TEAD1: variants seen among roughly 807,000 people sequenced by gnomAD.
The protein encoded by TEAD1 is transcriptional enhancer factor TEF-1.
TEAD1 carries 9 observed loss-of-function variants against 54.9 expected under a neutral mutation model. That is an observed-to-expected ratio of 0.16 (90% CI 0.10 to 0.29). The LOEUF (loss-of-function observed/expected upper bound fraction) is 0.29. Ranked by LOEUF, TEAD1 falls within the 10% of genes least tolerant of loss-of-function variation. TEAD1 has a pLI of 1.00. For missense variants in TEAD1, 387 were observed against 535.9 expected (o/e 0.72, Z 2.74); for synonymous variants, 200 against 187.8 (o/e 1.07, Z -0.53).
chr11:12,788,925 T>C (rs924076116), intron 3 of TEAD1, among the ~76,000 whole-genome samples: 61 of 152,322 alleles, frequency 4.0e-4, no homozygotes, highest in African/African-American at 1.5e-3. Context: ...TTTTAAGAGA[T>C]GGGGTTTAGA....
chr11:12,760,687 G>A (rs752753687), intron 2 of TEAD1, among the ~76,000 whole-genome samples: 33 of 152,246 alleles, frequency 2.2e-4, no homozygotes, highest in Non-Finnish European at 3.2e-4. Context: ...GGTAATTTGC[G>A]TGACAGTTGG....
intron 2 of TEAD1, among the ~76,000 whole-genome samples, chr11:12,762,689 C>A (rs1945125588): frequency 6.6e-6 from 1 of 152,014 alleles, no homozygotes; most frequent in Non-Finnish European, 1.5e-5. Context: ...GCCAAAAGTG[C>A]CCACTAGTTA....
At chr11:12,875,227 C>A (rs896240938) in intron 5 of TEAD1, among the ~76,000 whole-genome samples, 1 of 152,174 alleles carries the variant, frequency 6.6e-6, no homozygotes, top group Non-Finnish European at 1.5e-5. Context: ...GATAGATTAG[C>A]CTCCTCCCCT....
intron 3 of TEAD1, among the ~76,000 whole-genome samples, chr11:12,826,877 T>C (rs886309274): frequency 1.3e-5 from 2 of 152,138 alleles, no homozygotes; most frequent in South Asian, 2.1e-4. Flanking sequence ...TAGAGTCTTA[T>C]CTTAAAAAAG....
chr11:12,831,467 C>G (rs1946779836), intron 3 of TEAD1, among the ~76,000 whole-genome samples: 1 of 152,144 alleles, frequency 6.6e-6, no homozygotes, highest in African/African-American at 2.4e-5. Context: ...AAATCTTGCT[C>G]TTGTATAGTC....
At chr11:12,828,747 C>G (rs1946709229) in intron 3 of TEAD1, among the ~76,000 whole-genome samples, 1 of 144,842 alleles carries the variant, frequency 6.9e-6, no homozygotes, top group Non-Finnish European at 1.5e-5. Context: ...ACTCACTTTT[C>G]CTTAACTGGC....
At chr11:12,857,621 T>A (rs1947417796) in intron 3 of TEAD1, among the ~76,000 whole-genome samples, 1 of 147,408 alleles carries the variant, frequency 6.8e-6, no homozygotes, top group African/African-American at 2.5e-5. Context: ...TGTTAGAAGA[T>A]CATGGCTGCA....
chr11:12,882,063 C>T (rs760026415), intron 8 of TEAD1, 106 bp downstream of exon 8: 206 of 1,230,962 alleles, frequency 1.7e-4, no homozygotes, highest in Non-Finnish European at 2.3e-4. Flanking sequence ...TTGCCACAGC[C>T]GCACATTGCC....
intron 2 of TEAD1, among the ~76,000 whole-genome samples, chr11:12,699,233 T>C (rs1564910896): frequency 6.6e-6 from 1 of 152,208 alleles, no homozygotes; most frequent in Non-Finnish European, 1.5e-5. Flanking sequence ...TGTTTTATTA[T>C]CCACATGTTG....
chr11:12,814,777 CTGTGTGTGTGTGTGTGTGTGTG>C (rs397842274), intron 3 of TEAD1, among the ~76,000 whole-genome samples: 4,273 of 106,180 alleles, frequency 0.04, 215 homozygotes, highest in African/African-American at 0.1. Context: ...TCGCAGAGCT[CTGTGTGTGTGTGTGTGTGTGTG>C]TGTGTGTGTG....
At chr11:12,773,794 A>G (rs1001794105) in intron 3 of TEAD1, among the ~76,000 whole-genome samples, 7 of 152,154 alleles carry the variant, frequency 4.6e-5, no homozygotes, top group Admixed American at 3.3e-4. Flanking sequence ...TTTAATTTTG[A>G]TGAGGTCTTA....
intron 3 of TEAD1, among the ~76,000 whole-genome samples, chr11:12,836,171 A>C (rs1564957668): frequency 6.6e-6 from 1 of 152,210 alleles, no homozygotes; most frequent in South Asian, 2.1e-4. Context: ...CTGTAATCCC[A>C]GCGCTTCAGG....
At chr11:12,821,865 A>T (rs892600445) in intron 3 of TEAD1, among the ~76,000 whole-genome samples, 3 of 140,468 alleles carry the variant, frequency 2.1e-5, no homozygotes, top group African/African-American at 8.2e-5. Flanking sequence ...CACTTTACCT[A>T]CCTCCTCCGC....
intron 2 of TEAD1, among the ~76,000 whole-genome samples, chr11:12,748,492 A>G (rs1205895888): frequency 6.6e-6 from 1 of 152,158 alleles, no homozygotes; most frequent in Non-Finnish European, 1.5e-5. Context: ...GGGTCTCATA[A>G]TGCACTTCAG....
chr11:12,836,277 G>A (rs539863246), intron 3 of TEAD1, among the ~76,000 whole-genome samples: 5 of 152,154 alleles, frequency 3.3e-5, no homozygotes, highest in South Asian at 2.1e-4. Flanking sequence ...AAAATTAGCC[G>A]GGCGTGGTGG....
chr11:12,924,838 C>T, intron 10 of TEAD1, 74 bp from the exon 11 acceptor site: 1 of 1,582,974 alleles, frequency 6.3e-7, no homozygotes, highest in Admixed American at 1.7e-5. Flanking sequence ...GAGGTCTTAC[C>T]CTGAAAGTTA....
chr11:12,862,124 A>G (rs1947518839), intron 3 of TEAD1, 126 bp from the exon 4 acceptor site: 1 of 712,388 alleles, frequency 1.4e-6, no homozygotes, highest in Non-Finnish European at 2.5e-6. Context: ...TTATTTTTCT[A>G]GTATTAGTAA....
intron 5 of TEAD1, among the ~76,000 whole-genome samples, chr11:12,877,734 T>C (rs1263213872): frequency 6.6e-6 from 1 of 151,812 alleles, no homozygotes; most frequent in Non-Finnish European, 1.5e-5. Context: ...CCTTTCCTTT[T>C]TTCCTCCCTT....
chr11:12,925,471 G>A (rs1948888359), intron 11 of TEAD1, among the ~76,000 whole-genome samples: 1 of 152,156 alleles, frequency 6.6e-6, no homozygotes, highest in African/African-American at 2.4e-5. Flanking sequence ...TCTGACATGT[G>A]GGGATTACGA....
Sources: gnomAD v4.1 joint callset for allele counts (sites outside exome capture counted in the v4.1 genomes callset) on GRCh38, gnomAD v4.1.1 for gene constraint, MANE v1.5 for transcripts, NCBI Gene and HGNC (gene_info 2026-07-23, HGNC 2026-07-21) for gene names.